The following RDX variants were observed in gnomAD, a reference collection of about 807,000 sequenced individuals.
The protein encoded by RDX is deafness, autosomal recessive 24.
Under a neutral mutation model 83.7 loss-of-function variants are expected in RDX, and 32 were observed. The ratio of observed to expected loss-of-function variants is 0.38; its 90% CI spans 0.29 to 0.51. The LOEUF is 0.51. RDX is among the 20% of genes least tolerant of loss of function. RDX has a pLI of 0.87. For synonymous variants in RDX, 229 were observed against 222.7 expected, an observed-to-expected ratio of 1.03 and a Z score of -0.25; for missense variants, 600 against 689.9, an observed-to-expected ratio of 0.87 and a Z score of 1.46.
chr11:110,199,516 G>A (rs1463895980), intron 15 of RDX: 5 of 698,780 alleles, frequency 7.2e-6, no homozygotes, highest in East Asian at 2.7e-5. Context: ...TCCTGGCAGT[G>A]GAAGGTGTGG....
intron 15 of RDX, chr11:110,179,758 C>A: frequency 3.2e-6 from 1 of 309,962 alleles, no homozygotes; most frequent in Non-Finnish European, 6.4e-6. Context: ...GGCAACAGAG[C>A]AAGATTCTGT....
chr11:110,235,994 C>G, intron 12 of RDX, 105 bp downstream of exon 12: 1 of 823,256 alleles, frequency 1.2e-6, no homozygotes, highest in Non-Finnish European at 2.1e-6. Context: ...GAGTATCTTT[C>G]CCACTCTAAA....
intron 10 of RDX, among the ~76,000 whole-genome samples, chr11:110,244,267 C>G: frequency 7.0e-6 from 1 of 142,456 alleles, no homozygotes; most frequent in East Asian, 2.1e-4. Flanking sequence ...GAGGCTGAGA[C>G]AGAAGAATTG....
At chr11:110,253,809 TA>T (rs1422782207) in intron 9 of RDX, 136 bp downstream of exon 9, 6 of 765,858 alleles carry the variant, frequency 7.8e-6, no homozygotes, top group African/African-American at 7.0e-5. Flanking sequence ...GACAGAGTGA[TA>T]ATACTGTCTT....
At chr11:110,222,288 G>T (rs1864276312) in intron 14 of RDX, among the ~76,000 whole-genome samples, 1 of 152,044 alleles carries the variant, frequency 6.6e-6, no homozygotes, top group Non-Finnish European at 1.5e-5. Context: ...TTAACCTCCT[G>T]TAAAGATGCA....
chr11:110,193,432 G>A (rs892837474), intron 15 of RDX, among the ~76,000 whole-genome samples: 5 of 152,044 alleles, frequency 3.3e-5, no homozygotes, highest in East Asian at 1.9e-4. Flanking sequence ...CTCACTACCC[G>A]GGTGACAGGA....
chr11:110,289,835 T>C lies in RDX; in HGVS notation c.-65+6632A>G, dbSNP rs111392386. Among the ~76,000 whole-genome samples the C allele has an allele frequency of 3.3e-5, 5 of 151,312 alleles. 1 individual carries two copies. The highest frequency in any genetic ancestry group is 1.2e-4 in the African/African-American group (5 of 40,944). ...GGTGACCTGTTTGGTGGTGTGCATC[T>C]GTAGTCCCAACTACTCGGGACGCTG... is the stretch of plus-strand genomic sequence containing the variant. On this transcript the variant is annotated intron_variant, in intron 1 of 13. Transcript: ENST00000645495.
intron 7 of RDX, 66 bp from the exon 8 acceptor site, chr11:110,255,451 C>A: frequency 1.2e-6 from 1 of 834,264 alleles, no homozygotes; most frequent in Non-Finnish European, 2.1e-6. Context: ...CTGTTTAGGA[C>A]CTAAACTGAC....
chr11:110,238,372 T>G (rs1864946308), intron 10 of RDX, among the ~76,000 whole-genome samples: 1 of 152,026 alleles, frequency 6.6e-6, no homozygotes, highest in Non-Finnish European at 1.5e-5. Flanking sequence ...GAAAGGAAAA[T>G]AAATTTTTAA....
At chr11:110,198,126 T>A (rs148256986) in intron 15 of RDX, among the ~76,000 whole-genome samples, 1 of 152,288 alleles carries the variant, frequency 6.6e-6, no homozygotes, top group East Asian at 1.9e-4. Context: ...TGGTTCTACA[T>A]CTTTAAATAT....
chr11:110,289,699 T>C (rs2134448873), intron 1 of RDX, among the ~76,000 whole-genome samples: 1 of 151,856 alleles, frequency 6.6e-6, no homozygotes, highest in African/African-American at 2.4e-5. Context: ...GGTGAATCAC[T>C]TGAGGTCAGG....
At chr11:110,206,289 C>A (rs1354256248) in intron 14 of RDX, among the ~76,000 whole-genome samples, 2 of 147,400 alleles carry the variant, frequency 1.4e-5, no homozygotes, top group East Asian at 4.0e-4. Flanking sequence ...TGGTAACAAT[C>A]CAAATGTCCA....
At chr11:110,180,956 G>A (rs1041240403) in intron 15 of RDX, among the ~76,000 whole-genome samples, 15 of 152,048 alleles carry the variant, frequency 9.9e-5, no homozygotes, top group South Asian at 2.1e-4. Context: ...CGCTCAGCCC[G>A]GTCCTGGGAC....
intron 12 of RDX, 132 bp from the exon 13 acceptor site, chr11:110,233,611 A>G (rs1295690871): frequency 2.2e-6 from 2 of 901,580 alleles, no homozygotes; most frequent in Non-Finnish European, 3.4e-6. Flanking sequence ...TGAAACCTCT[A>G]TTTTCATAAA....
intron 3 of RDX, 50 bp from the exon 4 acceptor site, chr11:110,264,924 T>C (rs376555185): frequency 1.4e-5 from 18 of 1,332,902 alleles, no homozygotes; most frequent in Non-Finnish European, 1.8e-5. Flanking sequence ...AACATACACA[T>C]TGTGTCTAGA....
At chr11:110,275,574 A>G (rs1029880307) in intron 2 of RDX, among the ~76,000 whole-genome samples, 3 of 151,960 alleles carry the variant, frequency 2.0e-5, no homozygotes, top group Admixed American at 6.6e-5. Flanking sequence ...TTATTTTTCT[A>G]TTGGGTTGTT....
At chr11:110,269,190 A>G (rs1348126422) in intron 3 of RDX, among the ~76,000 whole-genome samples, 1 of 151,956 alleles carries the variant, frequency 6.6e-6, no homozygotes, top group Non-Finnish European at 1.5e-5. Context: ...ATATGGTATT[A>G]CACTCTTGAA....
intron 14 of RDX, among the ~76,000 whole-genome samples, chr11:110,218,093 C>T (rs1864120118): frequency 6.6e-6 from 1 of 152,188 alleles, no homozygotes; most frequent in Admixed American, 6.5e-5. Context: ...CTTTACTAGG[C>T]ATAATCTCAG....
At chr11:110,267,617 C>G (rs992319512) in intron 3 of RDX, among the ~76,000 whole-genome samples, 2 of 150,660 alleles carry the variant, frequency 1.3e-5, no homozygotes, top group African/African-American at 4.9e-5. Context: ...CAAACTGAAC[C>G]CTTCCATTTA....
Sources: gnomAD v4.1 joint callset for allele counts (sites outside exome capture counted in the v4.1 genomes callset) on GRCh38, gnomAD v4.1.1 for gene constraint, MANE v1.5 for transcripts, NCBI Gene and HGNC (gene_info 2026-07-23, HGNC 2026-07-21) for gene names.